SUZ12: variants seen among roughly 807,000 people sequenced by gnomAD.
SUZ12 encodes SUZ12 polycomb repressive complex 2 subunit.
In SUZ12, 17 loss-of-function variants were observed where a neutral mutation model predicts 87.3. The ratio of observed to expected loss-of-function variants is 0.19; its 90% CI spans 0.13 to 0.29. The LOEUF is 0.29. Ranked by LOEUF, SUZ12 falls within the 10% of genes least tolerant of loss-of-function variation. SUZ12 has a pLI of 1.00. For missense variants in SUZ12, 526 were observed against 912.2 expected (o/e 0.58, Z 5.45); for synonymous variants, 253 against 312.4 (o/e 0.81, Z 2.01).
At chr17:31,994,917 T>G (rs1322590810) in intron 13 of SUZ12, among the ~76,000 whole-genome samples, 196 bp downstream of exon 13, 1 of 152,224 alleles carries the variant, frequency 6.6e-6, no homozygotes, top group East Asian at 1.9e-4. Flanking sequence ...TCACTTTTCC[T>G]TTGAACTTTA....
intron 14 of SUZ12, among the ~76,000 whole-genome samples, chr17:31,996,176 C>T (rs1909969775): frequency 6.6e-6 from 1 of 152,194 alleles, no homozygotes; most frequent in African/African-American, 2.4e-5. Flanking sequence ...CACCACTGCA[C>T]TCCAGCCTGG....
At chr17:31,958,192 G>A (rs1371823385) in intron 4 of SUZ12, among the ~76,000 whole-genome samples, 8 of 151,924 alleles carry the variant, frequency 5.3e-5, no homozygotes, top group South Asian at 2.1e-4. Flanking sequence ...GTGAGCCACC[G>A]CGCCCAGCCC....
intron 10 of SUZ12, among the ~76,000 whole-genome samples, chr17:31,991,033 C>A (rs1319408020): frequency 1.3e-5 from 2 of 152,226 alleles, no homozygotes; most frequent in African/African-American, 4.8e-5. Context: ...AGGCTTGAGC[C>A]ATTGCGCCTG....
chr17:31,978,014 GT>G (rs1432294029), intron 8 of SUZ12, among the ~76,000 whole-genome samples: 2 of 152,144 alleles, frequency 1.3e-5, no homozygotes, highest in African/African-American at 2.4e-5. Flanking sequence ...AAATATTTTA[GT>G]GAAAATATCA....
chr17:31,975,028 A>T (rs2521593), intron 6 of SUZ12, among the ~76,000 whole-genome samples: 16,263 of 152,158 alleles, frequency 0.11, 1,064 homozygotes, highest in Middle Eastern at 0.15. Context: ...CCATGGGATT[A>T]TTAGTCATTT....
chr17:31,994,362 G>A (rs754973625), intron 12 of SUZ12: 86 of 470,098 alleles, frequency 1.8e-4, no homozygotes, highest in Non-Finnish European at 2.6e-4. Flanking sequence ...TTTGTACAAA[G>A]TCACCAAGCA....
intron 5 of SUZ12, among the ~76,000 whole-genome samples, chr17:31,968,857 G>A (rs184930577): frequency 9.0e-4 from 137 of 152,190 alleles, no homozygotes; most frequent in African/African-American, 3.2e-3. Flanking sequence ...TGAAATTTTT[G>A]GAAAGTAGTC....
intron 8 of SUZ12, among the ~76,000 whole-genome samples, chr17:31,978,270 A>G (rs1021404155): frequency 1.3e-5 from 2 of 152,068 alleles, no homozygotes; most frequent in Non-Finnish European, 2.9e-5. Context: ...GTTCAGTGGC[A>G]TGATCTCAGC....
chr17:31,954,057 CTATTTATT>C (rs761551803), intron 4 of SUZ12, among the ~76,000 whole-genome samples: 2 of 150,980 alleles, frequency 1.3e-5, no homozygotes, highest in African/African-American at 4.9e-5. Flanking sequence ...CCTTTTTTGA[CTATTTATT>C]TATTTATTTA....
chr17:31,963,374 A>T (rs1598162638), intron 4 of SUZ12, among the ~76,000 whole-genome samples: 1 of 151,620 alleles, frequency 6.6e-6, no homozygotes, highest in Non-Finnish European at 1.5e-5. Context: ...TGATCTCCTG[A>T]CCTCGTGATC....
intron 3 of SUZ12, 82 bp downstream of exon 3, chr17:31,940,568 A>T (rs1906212056): frequency 6.6e-7 from 1 of 1,515,338 alleles, no homozygotes; most frequent in Non-Finnish European, 8.8e-7. Flanking sequence ...ATTAAAAAAA[A>T]AAACGAACAA....
intron 4 of SUZ12, among the ~76,000 whole-genome samples, chr17:31,962,628 TGA>T (rs1907803811): frequency 6.6e-6 from 1 of 152,208 alleles, no homozygotes; most frequent in Non-Finnish European, 1.5e-5. Context: ...ACACTCTCTG[TGA>T]GAGAAAATAT....
intron 11 of SUZ12, 81 bp from the exon 12 acceptor site, chr17:31,993,784 T>C (rs1909838445): frequency 7.2e-7 from 1 of 1,383,508 alleles, no homozygotes; most frequent in African/African-American, 1.5e-5. Context: ...TTTTTTAAAC[T>C]ATTTTTAGAA....
intron 3 of SUZ12, among the ~76,000 whole-genome samples, chr17:31,944,731 T>G (rs1906517968): frequency 6.6e-6 from 1 of 151,974 alleles, no homozygotes; most frequent in African/African-American, 2.4e-5. Flanking sequence ...GGAGACTGAG[T>G]TAGGAGGATT....
intron 5 of SUZ12, among the ~76,000 whole-genome samples, chr17:31,972,448 C>T (rs2428337): frequency 0.11 from 15,914 of 148,718 alleles, 1,046 homozygotes; most frequent in South Asian, 0.15. Flanking sequence ...GATCTCACTC[C>T]TTCGCCCAGA....
At chr17:31,985,158 CAAAAAAAAA>C (rs34227080) in intron 9 of SUZ12, among the ~76,000 whole-genome samples, 4 of 72,894 alleles carry the variant, frequency 5.5e-5, no homozygotes, top group Non-Finnish European at 1.1e-4. Context: ...GACTCTGTCT[CAAAAAAAAA>C]AAAAAAAAAA....
rs147343641 is a variant in SUZ12, at chr17:31,961,698, G to A, written c.456-4449G>A. On this transcript the variant is annotated intron_variant, in intron 4 of 15. Coordinates refer to ENST00000322652, the MANE Select transcript of SUZ12 (RefSeq NM_015355.4). ...GTTAGTAGTAGTCTCAATTTCTTGA[G>A]TTGTAGAATGGTAACATTTTTCTTA... 8.9e-4 allele frequency among the ~76,000 whole-genome samples: 135 copies of A among 152,334 alleles called. 1 individual carries two copies. Among genetic ancestry groups the A allele is most frequent in the African/African-American group, 3.1e-3 (129 of 41,572 alleles).
intron 4 of SUZ12, among the ~76,000 whole-genome samples, chr17:31,951,723 G>A (rs143075069): frequency 6.7e-6 from 1 of 149,594 alleles, no homozygotes; most frequent in Non-Finnish European, 1.5e-5. Flanking sequence ...TGATCCACCC[G>A]CCTTGGCCTC....
intron 4 of SUZ12, among the ~76,000 whole-genome samples, chr17:31,959,273 A>AT: frequency 6.6e-6 from 1 of 152,144 alleles, no homozygotes; most frequent in Non-Finnish European, 1.5e-5. Flanking sequence ...AGCATATCTG[A>AT]TTCTTAAAAA....
Sources: gnomAD v4.1 joint callset for allele counts (sites outside exome capture counted in the v4.1 genomes callset) on GRCh38, gnomAD v4.1.1 for gene constraint, MANE v1.5 for transcripts, NCBI Gene and HGNC (gene_info 2026-07-23, HGNC 2026-07-21) for gene names.